Variants in DLGAP1 observed in about 807,000 individuals in gnomAD.
The protein encoded by DLGAP1 is disks large-associated protein 1.
DLGAP1 carries 11 observed loss-of-function variants against 90.8 expected under a neutral mutation model. That is an observed-to-expected ratio of 0.12 (90% CI 0.08 to 0.20). The LOEUF (loss-of-function observed/expected upper bound fraction) is 0.20. Among genes scored for constraint, DLGAP1 ranks in the 10% least tolerant of loss-of-function variants. The pLI, the probability that DLGAP1 is intolerant of heterozygous loss-of-function variation, is 1.00. For synonymous variants in DLGAP1, 558 were observed against 540.7 expected (o/e 1.03, Z -0.44); for missense variants, 1,050 against 1,333.8 (o/e 0.79, Z 3.31).
intron 1 of DLGAP1, among the ~76,000 whole-genome samples, chr18:4,243,714 A>T (rs533691115): frequency 2.7e-4 from 41 of 152,306 alleles, no homozygotes; most frequent in Non-Finnish European, 5.3e-4. Flanking sequence ...ATTTTGGGAT[A>T]TCTCCTTGGC....
At chr18:3,824,854 C>A (rs906911178) in intron 4 of DLGAP1, among the ~76,000 whole-genome samples, 1 of 152,214 alleles carries the variant, frequency 6.6e-6, no homozygotes. Flanking sequence ...CTTCCTGAAT[C>A]CCATCCATTC....
At chr18:3,720,990 A>G (rs1419236211) in intron 7 of DLGAP1, among the ~76,000 whole-genome samples, 1 of 150,776 alleles carries the variant, frequency 6.6e-6, no homozygotes, top group Admixed American at 6.6e-5. Flanking sequence ...CAGGATGTTG[A>G]GGCTGCAGTG....
intron 1 of DLGAP1, among the ~76,000 whole-genome samples, chr18:4,155,223 G>A (rs2076736559): frequency 6.6e-6 from 1 of 152,092 alleles, no homozygotes; most frequent in South Asian, 2.1e-4. Flanking sequence ...TAAAGTCATG[G>A]GATGGAGTGA....
At chr18:4,006,820 A>C (rs1382227872) in intron 2 of DLGAP1, among the ~76,000 whole-genome samples, 1 of 151,822 alleles carries the variant, frequency 6.6e-6, no homozygotes, top group Admixed American at 6.6e-5. Flanking sequence ...TAATTTAAAA[A>C]ATTTTTCTGT....
At chr18:4,241,692 A>G (rs1033577147) in intron 1 of DLGAP1, among the ~76,000 whole-genome samples, 1 of 152,220 alleles carries the variant, frequency 6.6e-6, no homozygotes, top group African/African-American at 2.4e-5. Flanking sequence ...GCCACCAATA[A>G]AAAGTATTTT....
chr18:3,636,560 C>T lies in DLGAP1; in HGVS notation c.1592-54312G>A, dbSNP rs1284107348. ...CCGAGGAGCTGGGACTACAGACGCA[C>T]GCCACAATGCATGGCTAAATTTTGT... On this transcript the variant is annotated intron_variant, in intron 7 of 12. Transcript: ENST00000315677. Among the ~76,000 whole-genome samples the T allele has an allele frequency of 5.3e-5, 8 of 149,644 alleles. No homozygotes were observed. In the South Asian group the frequency reaches 6.5e-4, roughly 12 times the overall value.
rs181057356 is a variant in DLGAP1, at chr18:3,575,921, T to C, written c.1965+5954A>G. Reference sequence around the variant, plus strand: ...GCCACAAGGTGCTCCCATAAGAACATAGGAATCAAGACTGCACACGGATCA... The same window carrying C: ...GCCACAAGGTGCTCCCATAAGAACACAGGAATCAAGACTGCACACGGATCA... On this transcript the variant is annotated intron_variant, in intron 8 of 12. Coordinates refer to ENST00000315677, the MANE Select transcript of DLGAP1 (RefSeq NM_004746.4). 3.3e-3 allele frequency among the ~76,000 whole-genome samples: 507 copies of C among 152,234 alleles called. 1 individual carries two copies. The highest frequency in any genetic ancestry group is 0.01 in the Middle Eastern group (3 of 294).
intron 1 of DLGAP1, among the ~76,000 whole-genome samples, chr18:4,422,295 C>T (rs1323105809): frequency 6.6e-6 from 1 of 151,642 alleles, no homozygotes; most frequent in Non-Finnish European, 1.5e-5. Flanking sequence ...GCCATGTTTA[C>T]TGACATATAA....
rs1331405591 is a variant in DLGAP1, at chr18:3,600,003, T to G, written c.1592-17755A>C. Among the ~76,000 whole-genome samples, 3 of 151,642 alleles carry G rather than the reference T, an allele frequency of 2.0e-5. 1 individual carries two copies. Among genetic ancestry groups the G allele is most frequent in the Non-Finnish European group, 4.4e-5 (3 of 67,944 alleles). ...GGTGTGATCATGGCTCACTACATCC[T>G]CTAACTCCTGGGCTCAAGCGAACCT... On this transcript the variant is annotated intron_variant, in intron 7 of 12. Transcript: ENST00000315677.
At chr18:4,271,512 A>T (rs139399057) in intron 1 of DLGAP1, among the ~76,000 whole-genome samples, 246 of 152,368 alleles carry the variant, frequency 1.6e-3, no homozygotes, top group African/African-American at 5.6e-3. Context: ...TAAATATTTA[A>T]CCAAATTTGT....
intron 7 of DLGAP1, among the ~76,000 whole-genome samples, chr18:3,628,565 C>T (rs1021631784): frequency 6.6e-6 from 1 of 152,146 alleles, no homozygotes; most frequent in African/African-American, 2.4e-5. Flanking sequence ...TCCGAGCCTG[C>T]AGTTCACATT....
chr18:4,393,180 TA>T (rs1424619516), intron 1 of DLGAP1, among the ~76,000 whole-genome samples: 1 of 152,188 alleles, frequency 6.6e-6, no homozygotes, highest in Non-Finnish European at 1.5e-5. Flanking sequence ...TTGATTGCCT[TA>T]AAATAGAATA....
intron 2 of DLGAP1, among the ~76,000 whole-genome samples, chr18:4,069,487 T>C (rs2075416424): frequency 6.6e-6 from 1 of 152,124 alleles, no homozygotes; most frequent in Admixed American, 6.6e-5. Context: ...GGAGGCAGGT[T>C]TCTAATGAAT....
intron 1 of DLGAP1, among the ~76,000 whole-genome samples, chr18:4,229,568 T>G (rs768884130): frequency 3.3e-5 from 5 of 151,796 alleles, no homozygotes; most frequent in African/African-American, 1.2e-4. Context: ...CAGGAACATA[T>G]TGGAGAAATG....
chr18:3,718,666 C>T (rs2061846568), intron 7 of DLGAP1, among the ~76,000 whole-genome samples: 1 of 151,100 alleles, frequency 6.6e-6, no homozygotes, highest in African/African-American at 2.4e-5. Flanking sequence ...TGGCTCACGC[C>T]TGTAATCCCA....
intron 10 of DLGAP1, among the ~76,000 whole-genome samples, chr18:3,511,939 G>C (rs72856880): frequency 0.07 from 10,703 of 152,186 alleles, 444 homozygotes; most frequent in Admixed American, 0.085. Flanking sequence ...TTGAGTGTTA[G>C]ACTGGGGCAA....
intron 9 of DLGAP1, among the ~76,000 whole-genome samples, chr18:3,536,010 G>A (rs2052351721): frequency 6.6e-6 from 1 of 151,950 alleles, no homozygotes; most frequent in Admixed American, 6.6e-5. Context: ...ACTCCAGCCT[G>A]GGCAACTCTG....
intron 7 of DLGAP1, among the ~76,000 whole-genome samples, chr18:3,668,204 G>T (rs1221234536): frequency 6.6e-6 from 1 of 152,140 alleles, no homozygotes; most frequent in African/African-American, 2.4e-5. Flanking sequence ...ATTTTCCTGA[G>T]AACTCCCATA....
chr18:4,068,660 T>C (rs373968837), intron 2 of DLGAP1, among the ~76,000 whole-genome samples: 2 of 152,182 alleles, frequency 1.3e-5, no homozygotes, highest in Non-Finnish European at 2.9e-5. Context: ...TAATAAATAA[T>C]AGAAATGAAG....
Sources: gnomAD v4.1 joint callset for allele counts (sites outside exome capture counted in the v4.1 genomes callset) on GRCh38, gnomAD v4.1.1 for gene constraint, MANE v1.5 for transcripts, NCBI Gene and HGNC (gene_info 2026-07-23, HGNC 2026-07-21) for gene names.